The following MAP4K4 variants were observed in gnomAD, a reference collection of about 807,000 sequenced individuals.
MAP4K4 encodes mitogen-activated protein kinase kinase kinase kinase 4.
Under a neutral mutation model 189.6 loss-of-function variants are expected in MAP4K4, and 38 were observed. The observed-to-expected ratio is 0.20, with a 90% CI of 0.15 to 0.26. The LOEUF (loss-of-function observed/expected upper bound fraction) is 0.26, where lower values mean the gene tolerates loss of function less well. Among genes scored for constraint, MAP4K4 ranks in the 10% least tolerant of loss-of-function variants. MAP4K4 has a pLI of 1.00. For missense variants in MAP4K4, 1,054 were observed against 1,726.9 expected, an observed-to-expected ratio of 0.61 and a Z score of 6.91; for synonymous variants, 610 against 624.3, an observed-to-expected ratio of 0.98 and a Z score of 0.34.
intron 2 of MAP4K4, among the ~76,000 whole-genome samples, chr2:101,769,181 G>T (rs1269645427): frequency 6.6e-6 from 1 of 152,160 alleles, no homozygotes; most frequent in East Asian, 1.9e-4. Flanking sequence ...TTTTTAAAAT[G>T]TGAAAATTAA....
chr2:101,834,496 G>C, intron 8 of MAP4K4, 33 bp downstream of exon 8: 1 of 1,566,692 alleles, frequency 6.4e-7, no homozygotes, highest in South Asian at 1.2e-5. Context: ...TAGCTCACTT[G>C]TTACATGTGA....
At chr2:101,790,849 T>G (rs2092754416) in intron 3 of MAP4K4, 73 bp downstream of exon 3, 1 of 1,247,702 alleles carries the variant, frequency 8.0e-7, no homozygotes, top group Admixed American at 2.0e-5. Flanking sequence ...ACACAGAGTA[T>G]TACTCTGTTT....
At chr2:101,736,644 T>C (rs752729897) in intron 2 of MAP4K4, among the ~76,000 whole-genome samples, 3 of 152,192 alleles carry the variant, frequency 2.0e-5, no homozygotes, top group Non-Finnish European at 4.4e-5. Context: ...TTATATTCAG[T>C]ATATTTTTTT....
At chr2:101,733,486 G>A (rs2059300985) in intron 2 of MAP4K4, among the ~76,000 whole-genome samples, 1 of 152,208 alleles carries the variant, frequency 6.6e-6, no homozygotes, top group South Asian at 2.1e-4. Context: ...CGGGAGATGA[G>A]CAGTGGCCAT....
chr2:101,825,282 G>C, intron 4 of MAP4K4, 37 bp from the exon 5 acceptor site: 1 of 1,370,400 alleles, frequency 7.3e-7, no homozygotes, highest in East Asian at 2.4e-5. Flanking sequence ...ATTTCTCCAA[G>C]ATATGTTGCT....
chr2:101,857,108 T>C (rs1415525505), intron 13 of MAP4K4, among the ~76,000 whole-genome samples: 1 of 152,204 alleles, frequency 6.6e-6, no homozygotes, highest in Non-Finnish European at 1.5e-5. Flanking sequence ...CATTCAAGCT[T>C]TTAAGAATTA....
chr2:101,811,302 C>G (rs962457871), intron 3 of MAP4K4, among the ~76,000 whole-genome samples: 7 of 129,188 alleles, frequency 5.4e-5, no homozygotes, highest in Admixed American at 1.0e-4. Context: ...GCCCAGGAGG[C>G]AGAGGTTGCA....
At chr2:101,782,538 G>T (rs1238476751) in intron 2 of MAP4K4, among the ~76,000 whole-genome samples, 1 of 152,202 alleles carries the variant, frequency 6.6e-6, no homozygotes, top group African/African-American at 2.4e-5. Flanking sequence ...GAAGGGAGAA[G>T]TAGATAAGAA....
At chr2:101,777,879 GAA>G (rs2150481018) in intron 2 of MAP4K4, among the ~76,000 whole-genome samples, 1 of 152,322 alleles carries the variant, frequency 6.6e-6, no homozygotes, top group Non-Finnish European at 1.5e-5. Context: ...TGCAAGAAGT[GAA>G]GAGACTTGTT....
At chr2:101,848,791 GCCT>G (rs1026232254) in intron 12 of MAP4K4, among the ~76,000 whole-genome samples, 6 of 152,066 alleles carry the variant, frequency 3.9e-5, no homozygotes, top group African/African-American at 1.4e-4. Flanking sequence ...TTGCTTCTCT[GCCT>G]CCTCCTTGTC....
At chr2:101,697,992 A>C in exon 1 of MAP4K4, 1 of 883,500 alleles carries the variant, frequency 1.1e-6, no homozygotes, top group Non-Finnish European at 1.5e-6. Flanking sequence ...CCGCGCGAGG[A>C]GCGCGGTCGG....
intron 2 of MAP4K4, among the ~76,000 whole-genome samples, chr2:101,706,631 C>G (rs2042452182): frequency 6.6e-6 from 1 of 152,148 alleles, no homozygotes; most frequent in Non-Finnish European, 1.5e-5. Flanking sequence ...TTTATTGTTG[C>G]AAGATAACCT....
chr2:101,711,650 T>C (rs1007908535), intron 2 of MAP4K4, among the ~76,000 whole-genome samples: 1 of 152,188 alleles, frequency 6.6e-6, no homozygotes, highest in African/African-American at 2.4e-5. Flanking sequence ...GAGTGAGATA[T>C]TTCTAACCAT....
intron 12 of MAP4K4, among the ~76,000 whole-genome samples, 153 bp from the exon 13 acceptor site, chr2:101,855,824 G>A (rs117420767): frequency 2.0e-5 from 3 of 152,276 alleles, no homozygotes; most frequent in South Asian, 2.1e-4. Flanking sequence ...TTATGGGTCC[G>A]AGGGGCAGTG....
chr2:101,831,159 T>C (rs924518967), intron 6 of MAP4K4, among the ~76,000 whole-genome samples: 3 of 152,144 alleles, frequency 2.0e-5, no homozygotes, highest in African/African-American at 7.2e-5. Context: ...CACCATCCAA[T>C]TGGGTGGGAT....
intron 2 of MAP4K4, among the ~76,000 whole-genome samples, chr2:101,703,035 G>C (rs1319601504): frequency 6.6e-6 from 1 of 152,172 alleles, no homozygotes; most frequent in Non-Finnish European, 1.5e-5. Flanking sequence ...ATTTGGACTT[G>C]AGGAGAGACA....
intron 32 of MAP4K4, among the ~76,000 whole-genome samples, chr2:101,889,537 T>C (rs1438712421): frequency 6.6e-6 from 1 of 152,182 alleles, no homozygotes; most frequent in Non-Finnish European, 1.5e-5. Context: ...AAGTCCCTTT[T>C]AAACTGGCTT....
intron 3 of MAP4K4, among the ~76,000 whole-genome samples, chr2:101,821,145 A>G (rs2096028638): frequency 6.6e-6 from 1 of 152,188 alleles, no homozygotes; most frequent in Non-Finnish European, 1.5e-5. Flanking sequence ...AATCTCAGAT[A>G]GAAATTATAC....
At chr2:101,720,384 C>T (rs2051135777) in intron 2 of MAP4K4, among the ~76,000 whole-genome samples, 1 of 151,976 alleles carries the variant, frequency 6.6e-6, no homozygotes, top group African/African-American at 2.4e-5. Flanking sequence ...CCATGTTGGC[C>T]AGGCTGGATT....
Sources: gnomAD v4.1 joint callset for allele counts (sites outside exome capture counted in the v4.1 genomes callset) on GRCh38, gnomAD v4.1.1 for gene constraint, MANE v1.5 for transcripts, NCBI Gene and HGNC (gene_info 2026-07-23, HGNC 2026-07-21) for gene names.